The following AMBRA1 variants were observed in gnomAD, a reference collection of about 807,000 sequenced individuals.
AMBRA1 encodes activating molecule in BECN1-regulated autophagy protein 1.
AMBRA1 carries 47 observed loss-of-function variants against 125.4 expected under a neutral mutation model. The observed-to-expected ratio is 0.37, with a 90% confidence interval of 0.30 to 0.48. The LOEUF (loss-of-function observed/expected upper bound fraction) is 0.48, where lower values mean the gene tolerates loss of function less well. Ranked by LOEUF, AMBRA1 falls within the 20% of genes least tolerant of loss-of-function variation. AMBRA1 has a pLI of 0.99. For missense variants in AMBRA1, 1,331 were observed against 1,693.4 expected, an observed-to-expected ratio of 0.79 and a Z score of 3.76; for synonymous variants, 626 against 655.5, an observed-to-expected ratio of 0.95 and a Z score of 0.69.
intron 1 of AMBRA1, among the ~76,000 whole-genome samples, chr11:46,590,070 T>C (rs1319022920): frequency 2.0e-5 from 3 of 151,960 alleles, no homozygotes; most frequent in Admixed American, 2.0e-4. Context: ...ATTGTGAAAA[T>C]TATACAGTAT....
At chr11:46,471,408 C>G (rs1046414570) in intron 11 of AMBRA1, among the ~76,000 whole-genome samples, 1 of 151,856 alleles carries the variant, frequency 6.6e-6, no homozygotes, top group Non-Finnish European at 1.5e-5. Context: ...GAAACCCCAT[C>G]TCTACTAAAA....
chr11:46,541,798 G>C (rs1452728032), intron 7 of AMBRA1, 147 bp downstream of exon 7: 6 of 1,111,930 alleles, frequency 5.4e-6, no homozygotes, highest in Non-Finnish European at 7.6e-6. Context: ...ACCAGAGCAA[G>C]ATTTTCCAAG....
At chr11:46,548,017 T>C in intron 2 of AMBRA1, 142 bp from the exon 3 acceptor site, 1 of 1,220,008 alleles carries the variant, frequency 8.2e-7, no homozygotes, top group East Asian at 2.3e-5. Context: ...AGCTACAAAT[T>C]GAGAGAGATA....
chr11:46,573,229 ACT>A (rs1297919034), intron 1 of AMBRA1, among the ~76,000 whole-genome samples: 3 of 151,164 alleles, frequency 2.0e-5, no homozygotes, highest in African/African-American at 2.4e-5. Context: ...ACATGGTGAA[ACT>A]CTGTCTCTAC....
intron 11 of AMBRA1, among the ~76,000 whole-genome samples, chr11:46,449,137 G>GA (rs756682317): frequency 1.6e-4 from 24 of 152,224 alleles, no homozygotes; most frequent in Non-Finnish European, 2.9e-4. Context: ...ACAAGGCAAG[G>GA]AAGCCCCTTC....
intron 1 of AMBRA1, among the ~76,000 whole-genome samples, chr11:46,570,113 A>T (rs1018924694): frequency 4.0e-5 from 6 of 151,808 alleles, no homozygotes; most frequent in African/African-American, 1.5e-4. Flanking sequence ...ATATAAAAAA[A>T]TAGCTGGGCA....
chr11:46,505,458 C>T (rs1950997851), intron 9 of AMBRA1, among the ~76,000 whole-genome samples: 1 of 152,062 alleles, frequency 6.6e-6, no homozygotes, highest in Non-Finnish European at 1.5e-5. Flanking sequence ...GTTGAGGTGA[C>T]TAATCCACAG....
At chr11:46,499,033 T>C (rs1950738086) in intron 9 of AMBRA1, among the ~76,000 whole-genome samples, 1 of 152,222 alleles carries the variant, frequency 6.6e-6, no homozygotes, top group Non-Finnish European at 1.5e-5. Context: ...CTTTGATTTC[T>C]GGAAGGAAGG....
chr11:46,567,412 G>A (rs565552181), intron 1 of AMBRA1, among the ~76,000 whole-genome samples: 3 of 151,278 alleles, frequency 2.0e-5, no homozygotes, highest in African/African-American at 7.3e-5. Flanking sequence ...TGTCTCCCAG[G>A]TGGGAGTGCA....
rs756575728 is a variant in AMBRA1, at chr11:46,547,833, C to T, written c.178G>A (p.Ala60Thr). The change falls in exon 3 of 18, where the codon GCC becomes ACC. Residue 60 changes from alanine (A) to threonine (T), a missense_variant. By Grantham distance (58) the Ala-to-Thr change is moderately conservative. Coordinates refer to ENST00000683756, the MANE Select transcript of AMBRA1 (RefSeq NM_001387011.1). Reference sequence around the variant, plus strand: ...ACTGAGTACCTGTCTGGGCTGAAGGCCAATAAGAAGGTAGAGCGTGGACTA... The same window carrying T: ...ACTGAGTACCTGTCTGGGCTGAAGGTCAATAAGAAGGTAGAGCGTGGACTA... ...PDSPRSTFLL[A>T]FSPDRTLLAS... 6.2e-7 allele frequency: 1 copy of T among 1,610,706 alleles called. No individual in the cohort carries two copies. Among genetic ancestry groups the T allele is most frequent in the South Asian group, 1.1e-5 (1 of 90,602 alleles).
intron 12 of AMBRA1, among the ~76,000 whole-genome samples, chr11:46,440,169 T>C (rs1051740495): frequency 3.3e-5 from 5 of 152,118 alleles, no homozygotes; most frequent in African/African-American, 7.2e-5. Context: ...GAGTAAAAGA[T>C]TGAAAATGAC....
intron 11 of AMBRA1, among the ~76,000 whole-genome samples, chr11:46,460,547 T>C (rs1284471225): frequency 1.3e-5 from 2 of 152,040 alleles, no homozygotes; most frequent in Non-Finnish European, 2.9e-5. Context: ...ATGGTCTTGA[T>C]CTCCTGACCT....
chr11:46,433,111 C>G (rs769826645), intron 14 of AMBRA1, among the ~76,000 whole-genome samples: 5 of 152,198 alleles, frequency 3.3e-5, no homozygotes, highest in Non-Finnish European at 5.9e-5. Flanking sequence ...CTTTTTACAG[C>G]TTGTTCCCTC....
chr11:46,571,668 C>T (rs1002337400), intron 1 of AMBRA1, among the ~76,000 whole-genome samples: 15 of 150,532 alleles, frequency 1.0e-4, no homozygotes, highest in Non-Finnish European at 2.1e-4. Flanking sequence ...AGAATGAGTC[C>T]GTGTCTCAAT....
chr11:46,450,082 G>T (rs1590837202), intron 11 of AMBRA1, among the ~76,000 whole-genome samples: 2 of 149,340 alleles, frequency 1.3e-5, no homozygotes, highest in African/African-American at 2.5e-5. Context: ...AACAACTAAT[G>T]TCCACACAAA....
At chr11:46,437,132 G>A (rs1260640049) in intron 12 of AMBRA1, among the ~76,000 whole-genome samples, 1 of 152,152 alleles carries the variant, frequency 6.6e-6, no homozygotes, top group African/African-American at 2.4e-5. Flanking sequence ...GCATTTAACT[G>A]CTTACGGAGA....
intron 1 of AMBRA1, among the ~76,000 whole-genome samples, chr11:46,574,367 G>C (rs1317009220): frequency 6.6e-6 from 1 of 151,022 alleles, no homozygotes; most frequent in African/African-American, 2.5e-5. Flanking sequence ...TCTAACTGGT[G>C]TGAGATGGTA....
In AMBRA1 at chr11:46,410,328, T is replaced by A. The variant is rs1324530297; in HGVS notation, c.3157A>T (p.Asn1053Tyr). Residue 1053 changes from asparagine (N) to tyrosine (Y), a missense_variant, in exon 16 of 18, where the codon AAC (asparagine) becomes TAC (tyrosine). By Grantham distance (143) the Asn-to-Tyr change is moderately radical. Coordinates refer to ENST00000683756, the MANE Select transcript of AMBRA1 (RefSeq NM_001387011.1). The stretch of plus-strand genomic sequence containing the variant: ...GAATGGACAGTGAAGACCGTCTCGT[T>A]CAGCTGGTCCCAGTAGTACTCAACA... ...SGVEYYWDQL[N>Y]ETVFTVHSNS... 2 of 1,613,886 alleles carry A rather than the reference T, an allele frequency of 1.2e-6. No homozygotes were observed. Among genetic ancestry groups the A allele is most frequent in the Non-Finnish European group, 1.7e-6 (2 of 1,179,914 alleles).
intron 11 of AMBRA1, among the ~76,000 whole-genome samples, chr11:46,449,320 T>G (rs1948461863): frequency 6.6e-6 from 1 of 152,202 alleles, no homozygotes; most frequent in African/African-American, 2.4e-5. Context: ...CAGTAACTAT[T>G]AAATAATTAT....
Sources: gnomAD v4.1 joint callset for allele counts (sites outside exome capture counted in the v4.1 genomes callset) on GRCh38, gnomAD v4.1.1 for gene constraint, MANE v1.5 for transcripts, NCBI Gene and HGNC (gene_info 2026-07-23, HGNC 2026-07-21) for gene names.